The following PGAP1 variants were observed in gnomAD, a reference collection of about 807,000 sequenced individuals.
The protein encoded by PGAP1 is GPI inositol-deacylase.
A neutral mutation model predicts 127.0 loss-of-function variants in PGAP1; 76 were observed. The ratio of observed to expected loss-of-function variants is 0.60; its 90% CI spans 0.50 to 0.72. The LOEUF (loss-of-function observed/expected upper bound fraction) is 0.72, where lower values mean the gene tolerates loss of function less well. Among genes scored for constraint, PGAP1 ranks in the 30% least tolerant of loss-of-function variants. PGAP1 has a pLI of 0.00. For synonymous variants in PGAP1, 362 were observed against 366.5 expected, an observed-to-expected ratio of 0.99 and a Z score of 0.14; for missense variants, 982 against 1,071.3, an observed-to-expected ratio of 0.92 and a Z score of 1.16.
At position 196,892,954 on chromosome 2, in the gene PGAP1, T is replaced by C. The variant is rs148969514; in HGVS notation, c.1033+186A>G. On this transcript the variant is annotated intron_variant, in intron 8 of 26. Transcript: ENST00000354764. The stretch of plus-strand genomic sequence containing the variant: ...GCAATCTCTTACATGTTGCTTCTTT[T>C]TCCCTTCCTAACCAAGAACTGCACC... Among the ~76,000 whole-genome samples, 300 of 152,174 alleles carry C rather than the reference T, an allele frequency of 2.0e-3. 2 individuals carry two copies. The highest frequency in any genetic ancestry group is 6.7e-3 in the African/African-American group (280 of 41,558).
chr2:196,890,442 G>A (rs1702060692), intron 10 of PGAP1, among the ~76,000 whole-genome samples: 1 of 152,140 alleles, frequency 6.6e-6, no homozygotes, highest in South Asian at 2.1e-4. Flanking sequence ...ATTTTAGTAT[G>A]TAAGCCAATG....
At chr2:196,916,712 C>A (rs1703021798) in intron 2 of PGAP1, 119 bp from the exon 3 acceptor site, 1 of 1,019,584 alleles carries the variant, frequency 9.8e-7, no homozygotes, top group East Asian at 2.9e-5. Flanking sequence ...CCACCTATTT[C>A]AGGATGAAAT....
intron 1 of PGAP1, among the ~76,000 whole-genome samples, chr2:196,920,631 A>C (rs1703158152): frequency 6.6e-6 from 1 of 152,110 alleles, no homozygotes; most frequent in African/African-American, 2.4e-5. Context: ...AAAGAAAGTA[A>C]GTTGTTTTAT....
chr2:196,882,887 A>G (rs1701775584), intron 12 of PGAP1, among the ~76,000 whole-genome samples: 4 of 152,114 alleles, frequency 2.6e-5, no homozygotes, highest in Admixed American at 2.6e-4. Context: ...TTCCAGTACT[A>G]TGCTGAATAG....
Position 196,916,613 on chromosome 2 carries a change from A to C in PGAP1, c.302-20T>G, listed in dbSNP as rs1460791097. The C allele has an allele frequency of 1.3e-6, 2 of 1,577,300 alleles. No individual in the cohort carries two copies. Among genetic ancestry groups the C allele is most frequent in the East Asian group, 4.6e-5 (2 of 43,906 alleles). ...AACGAACTGCAGAGGAAAAGAGTGA[A>C]GTGCACATTAAACAATATTTACAGG... On this transcript the variant is annotated intron_variant, in intron 2 of 26. Transcript: ENST00000354764.
chr2:196,863,211 T>C (rs1309483419), intron 20 of PGAP1, among the ~76,000 whole-genome samples: 2 of 152,210 alleles, frequency 1.3e-5, no homozygotes, highest in East Asian at 3.9e-4. Flanking sequence ...GCAATCTTAC[T>C]GCTGTATATA....
Position 196,893,180 on chromosome 2 carries a change from T to C in PGAP1, c.993A>G (p.Lys331=). 6.2e-7 allele frequency: 1 copy of C among 1,600,096 alleles called. No homozygotes were observed. Among genetic ancestry groups the C allele is most frequent in the Non-Finnish European group, 8.5e-7 (1 of 1,171,284 alleles). The part of the protein sequence containing the change: ...LYHHFIRHPS[K]HFEENPAIIS... ...TTATAGCTGGATTTTCCTCAAAATG[T>C]TTTGATGGGTGTCTTATAAAGTGGT... The change falls in exon 8 of 27, where the codon AAA becomes AAG. Residue 331 remains lysine (K), a synonymous_variant. Coordinates refer to ENST00000354764, the MANE Select transcript of PGAP1 (RefSeq NM_024989.4).
chr2:196,868,135 C>T (rs1701299069), intron 19 of PGAP1, among the ~76,000 whole-genome samples: 1 of 152,166 alleles, frequency 6.6e-6, no homozygotes, highest in Non-Finnish European at 1.5e-5. Flanking sequence ...TATATATCCT[C>T]ATCTGTAAAA....
At position 196,838,668 on chromosome 2, in the gene PGAP1, A is replaced by G. The variant is rs1700302832; in HGVS notation, c.*2566T>C. ...TAAAATGAAATTTTTTTTGGCATAA[A>G]TAATACTTTAGGACTTGGTGATAAC... is the stretch of plus-strand genomic sequence containing the variant. On this transcript the variant is annotated 3_prime_UTR_variant, in exon 27 of 27. Coordinates refer to ENST00000354764, the MANE Select transcript of PGAP1 (RefSeq NM_024989.4). The G allele has an allele frequency of 3.3e-5, 5 of 152,228 alleles. No individual in the cohort carries two copies. 9.4% of individuals were successfully genotyped at this position (152,228 alleles called of 1,614,324 possible).
intron 26 of PGAP1, 46 bp from the exon 27 acceptor site, chr2:196,841,418 G>A (rs1371848443): frequency 1.4e-6 from 2 of 1,437,416 alleles, no homozygotes; most frequent in East Asian, 2.3e-5. Flanking sequence ...GAACTACATT[G>A]TGAGCCAAAA....
intron 12 of PGAP1, among the ~76,000 whole-genome samples, 180 bp downstream of exon 12, chr2:196,885,244 C>G (rs1234350791): frequency 6.6e-6 from 1 of 152,024 alleles, no homozygotes; most frequent in Non-Finnish European, 1.5e-5. Flanking sequence ...ATAAATAACA[C>G]TAATTGTATG....
At chr2:196,879,721 T>C (rs79120825) in intron 13 of PGAP1, among the ~76,000 whole-genome samples, 1,532 of 152,220 alleles carry the variant, frequency 0.01, 23 homozygotes, top group African/African-American at 0.035. Flanking sequence ...ACCAGGGTCA[T>C]GTCTTCATTT....
intron 12 of PGAP1, among the ~76,000 whole-genome samples, chr2:196,881,377 T>C (rs1308596108): frequency 6.6e-6 from 1 of 152,222 alleles, no homozygotes; most frequent in Non-Finnish European, 1.5e-5. Flanking sequence ...CCTTTGGGTA[T>C]ACACCCAGTA....
At chr2:196,915,483 A>G (rs528908918) in intron 3 of PGAP1, among the ~76,000 whole-genome samples, 41 of 152,104 alleles carry the variant, frequency 2.7e-4, no homozygotes, top group Non-Finnish European at 5.7e-4. Flanking sequence ...TCTCCTCCAT[A>G]TCTGTTCCTC....
chr2:196,868,306 G>A (rs1224265391), intron 19 of PGAP1, among the ~76,000 whole-genome samples: 12 of 152,218 alleles, frequency 7.9e-5, no homozygotes, highest in Non-Finnish European at 2.9e-5. Flanking sequence ...TATTGTAAGA[G>A]GTCCCACACA....
intron 5 of PGAP1, among the ~76,000 whole-genome samples, chr2:196,898,919 A>G (rs61002015): frequency 0.1 from 15,249 of 149,100 alleles, 923 homozygotes; most frequent in African/African-American, 0.17. Context: ...CCAGGGTTAT[A>G]TATTTTGAAA....
intron 20 of PGAP1, among the ~76,000 whole-genome samples, chr2:196,859,648 A>C (rs140521998): frequency 6.6e-6 from 1 of 152,316 alleles, no homozygotes; most frequent in African/African-American, 2.4e-5. Context: ...TCAACAACAT[A>C]TTAAAAATAT....
At chr2:196,895,335 G>A (rs1191205985) in intron 7 of PGAP1, among the ~76,000 whole-genome samples, 1 of 152,022 alleles carries the variant, frequency 6.6e-6, no homozygotes, top group Non-Finnish European at 1.5e-5. Flanking sequence ...CCTGTCTGAC[G>A]TATCCTGTTC....
Position 196,922,408 on chromosome 2 carries a change from G to T in PGAP1, c.148-2258C>A, listed in dbSNP as rs979173642. ...ATAGTTTTTAAGTTCTCACAAAGAG[G>T]TCTCAGTAAGGCCTTTGCTCACCAT... On this transcript the variant is annotated intron_variant, in intron 1 of 26. Transcript: ENST00000354764. 5.1e-6 allele frequency: 5 copies of T among 983,318 alleles called. No individual in the cohort carries two copies. In the African/African-American group the frequency reaches 8.8e-5, roughly 17 times the overall value. The allele number at this position is 983,318 out of a possible 1,614,324, so 60.9% of individuals were successfully genotyped here. A position where few individuals can be genotyped will look rare whatever the true frequency, so the allele number is the denominator to read the frequency against.
Sources: allele counts gnomAD v4.1 joint callset (sites outside exome capture counted in the v4.1 genomes callset), GRCh38; gene constraint gnomAD v4.1.1; transcripts MANE v1.5; gene names NCBI Gene and HGNC (gene_info 2026-07-23, HGNC 2026-07-21).